Variants in MAB21L4 observed in about 807,000 individuals in gnomAD.
The protein encoded by MAB21L4 is mab-21 like 4.
A neutral mutation model predicts 32.4 loss-of-function variants in MAB21L4; 25 were observed. The observed-to-expected ratio is 0.77, with a 90% CI of 0.56 to 1.08. MAB21L4 has a LOEUF of 1.08. MAB21L4 is among the 50% of genes least tolerant of loss of function. The pLI is 0.00. For missense variants in MAB21L4, 638 were observed against 611.0 expected, an observed-to-expected ratio of 1.04 and a Z score of -0.47; for synonymous variants, 280 against 276.8, an observed-to-expected ratio of 1.01 and a Z score of -0.11.
intron 1 of MAB21L4, among the ~76,000 whole-genome samples, chr2:240,893,951 C>T (rs1293657740): frequency 6.6e-6 from 1 of 152,042 alleles, no homozygotes; most frequent in Non-Finnish European, 1.5e-5. Context: ...GGGCTGGGGG[C>T]AGGGTGAGGG....
At chr2:240,892,024 T>G in intron 1 of MAB21L4, 1 of 1,490,748 alleles carries the variant, frequency 6.7e-7, no homozygotes, top group Non-Finnish European at 8.9e-7. Context: ...CTCAGCGACT[T>G]GCAGCACCAG....
At position 240,886,368 on chromosome 2, in the gene MAB21L4, T is replaced by C. The variant is rs2059094706; in HGVS notation, c.*702A>G. 6.6e-6 allele frequency: 1 copy of C among 152,178 alleles called. No homozygotes were observed. Among genetic ancestry groups the C allele is most frequent in the African/African-American group, 2.4e-5 (1 of 41,422 alleles). The allele number at this position is 152,178 out of a possible 1,614,324, so 9.4% of individuals were successfully genotyped here. On this transcript the variant is annotated 3_prime_UTR_variant, in exon 5 of 5. Transcript: ENST00000388934. ...CCTGAGACTTGGGTGGGGACACAGA[T>C]CCAATTCTACCTGAGATTTGGGTGG...
intron 4 of MAB21L4, 85 bp downstream of exon 4, chr2:240,888,207 A>G: frequency 1.8e-6 from 2 of 1,117,212 alleles, no homozygotes; most frequent in Non-Finnish European, 2.5e-6. Flanking sequence ...GACCTGGGAG[A>G]GAATGGGCAG....
chr2:240,895,555 A>T lies in MAB21L4; in HGVS notation c.443T>A (p.Val148Asp). The change falls in exon 1 of 5, where the codon GTC becomes GAC. Residue 148 changes from valine (V) to aspartate (D), a missense_variant. Val to Asp is a radical substitution (Grantham distance 152, BLOSUM62 -3). Transcript: ENST00000388934. ...KCRGHIVPSK[V>D]LCVLKDLLVA... is the part of the protein sequence containing the mutation. The stretch of plus-strand genomic sequence containing the variant: ...CAGCAGGTCCTTGAGGACACACAGG[A>T]CCTTGCTGGGCACAATGTGTCCACG... The T allele has an allele frequency of 6.2e-7, 1 of 1,610,696 alleles. No homozygotes were observed. The highest frequency in any genetic ancestry group is 8.5e-7 in the Non-Finnish European group (1 of 1,178,978).
intron 1 of MAB21L4, chr2:240,892,051 C>T: frequency 3.4e-6 from 5 of 1,463,122 alleles, no homozygotes; most frequent in Non-Finnish European, 4.5e-6. Context: ...CAGCAGCGTC[C>T]TACATGAGGT....
rs560881127 is a variant in MAB21L4, at chr2:240,892,171, C to T, written c.515-408G>A. 5.6e-5 allele frequency: 44 copies of T among 791,450 alleles called. No homozygotes were observed. The East Asian group carries it at 1.3e-3, about 23-fold the overall frequency. The allele number at this position is 791,450 out of a possible 1,614,324, so 49.0% of individuals were successfully genotyped here. ...CTGCCCCAGCCCTGGGGCCAAAGTCCCAGCCCTCAGCTAGCCCCCTACCTC... is the reference window on the plus strand; with the variant it reads ...CTGCCCCAGCCCTGGGGCCAAAGTCTCAGCCCTCAGCTAGCCCCCTACCTC... On this transcript the variant is annotated intron_variant, in intron 1 of 4. Coordinates refer to ENST00000388934, the MANE Select transcript of MAB21L4 (RefSeq NM_001085437.3).
chr2:240,889,879 C>A (rs752593244), intron 3 of MAB21L4, 126 bp downstream of exon 3: 187 of 1,156,356 alleles, frequency 1.6e-4, no homozygotes, highest in Non-Finnish European at 2.0e-4. Context: ...CCTCAGAATC[C>A]CCCCAACTCC....
At chr2:240,891,477 G>A in intron 2 of MAB21L4, 61 bp downstream of exon 2, 1 of 1,447,418 alleles carries the variant, frequency 6.9e-7, no homozygotes, top group Non-Finnish European at 9.3e-7. Flanking sequence ...GGGGAGCATG[G>A]GGGCAGTGGC....
chr2:240,893,638 T>C (rs1041467548), intron 1 of MAB21L4, among the ~76,000 whole-genome samples: 11 of 151,886 alleles, frequency 7.2e-5, no homozygotes, highest in South Asian at 2.1e-4. Flanking sequence ...TTAAGGTGAG[T>C]GTCAGGAAAC....
chr2:240,892,464 A>T (rs2059158608), intron 1 of MAB21L4, among the ~76,000 whole-genome samples: 2 of 151,986 alleles, frequency 1.3e-5, no homozygotes, highest in Non-Finnish European at 2.9e-5. Flanking sequence ...AGTCTACATG[A>T]TGGGGGCAGC....
chr2:240,886,396 A>G lies in MAB21L4; in HGVS notation c.*674T>C, dbSNP rs1225608193. 1.3e-5 allele frequency: 2 copies of G among 152,148 alleles called. No homozygotes were observed. The highest frequency in any genetic ancestry group is 2.9e-5 in the Non-Finnish European group (2 of 68,072). 9.4% of individuals were successfully genotyped at this position (152,148 alleles called of 1,614,324 possible). A position where few individuals can be genotyped will look rare whatever the true frequency, so the allele number is the denominator to read the frequency against. ...AATTCTACCTGAGATTTGGGTGGGG[A>G]TACAGATACAATCCATATCAGGGGC... On this transcript the variant is annotated 3_prime_UTR_variant, in exon 5 of 5. Transcript: ENST00000388934.
Position 240,888,589 on chromosome 2 carries a change from C to G in MAB21L4, c.954G>C (p.Gln318His). ...FLAPEDWAEL[Q>H]GAVYRLLVVL... ...CCACCAGCAGGCGGTACACGGCGCC[C>G]TGCAGTTCTGCCCAGTCCTCGGGCG... Residue 318 changes from glutamine to histidine, a missense_variant, in exon 4 of 5, where the codon CAG (glutamine) becomes CAC (histidine). Gln to His is a conservative substitution (Grantham distance 24, BLOSUM62 0). Coordinates refer to ENST00000388934, the MANE Select transcript of MAB21L4 (RefSeq NM_001085437.3). The G allele has an allele frequency of 6.2e-7, 1 of 1,606,806 alleles. No individual in the cohort carries two copies. Among genetic ancestry groups the G allele is most frequent in the South Asian group, 1.1e-5 (1 of 90,550 alleles).
intron 1 of MAB21L4, among the ~76,000 whole-genome samples, chr2:240,895,089 C>A (rs2059177148): frequency 6.6e-6 from 1 of 152,220 alleles, no homozygotes; most frequent in Non-Finnish European, 1.5e-5. Flanking sequence ...GGCAAGAGAG[C>A]CGCCTGCCCA....
chr2:240,895,289 A>G (rs10173475), intron 1 of MAB21L4, among the ~76,000 whole-genome samples, 195 bp downstream of exon 1: 82,118 of 152,062 alleles, frequency 0.54, 23,331 homozygotes, highest in African/African-American at 0.73. Context: ...GCCCCAACAC[A>G]CTGTTCACAC....
rs746443176 is a variant in MAB21L4, at chr2:240,887,023, G to A, written c.*47C>T. On this transcript the variant is annotated 3_prime_UTR_variant, in exon 5 of 5. Coordinates refer to ENST00000388934, the MANE Select transcript of MAB21L4 (RefSeq NM_001085437.3). ...GGAGCCTCCCATGGTGCAGTGCAGA[G>A]TCTGTTGGGGAGCCAAGAACAGGTG... 1 of 1,435,830 alleles carries A rather than the reference G, an allele frequency of 7.0e-7. No individual in the cohort carries two copies. Among genetic ancestry groups the A allele is most frequent in the African/African-American group, 1.4e-5 (1 of 71,270 alleles). 88.9% of individuals were successfully genotyped at this position (1,435,830 alleles called of 1,614,324 possible).
Position 240,888,632 on chromosome 2 carries a change from G to A in MAB21L4, c.911C>T (p.Ala304Val), listed in dbSNP as rs1460530802. The change falls in exon 4 of 5, where the codon GCC becomes GTC. Residue 304 changes from alanine (A) to valine (V), a missense_variant. Physicochemically the swap from Ala to Val is moderately conservative, Grantham distance 64. Coordinates refer to ENST00000388934, the MANE Select transcript of MAB21L4 (RefSeq NM_001085437.3). Reference protein sequence around the residue: ...FGHLKMVLLWASVLFLAPEDW... With the variant: ...FGHLKMVLLWVSVLFLAPEDW... ...CTCGGGCGCCAGGAAGAGCACAGAG[G>A]CCCACAGCAGCACCATCTGCAGGAC... 10 of 1,580,464 alleles carry A rather than the reference G, an allele frequency of 6.3e-6. No homozygotes were observed. Among genetic ancestry groups the A allele is most frequent in the Non-Finnish European group, 8.6e-6 (10 of 1,163,252 alleles).
At position 240,896,070 on chromosome 2, in the gene MAB21L4, G is replaced by A; in HGVS notation, c.-73C>T. ...CGCAGGCCAGCTGTGCAGATGGGCT[G>A]TGAGGAGGCACCTGCCCAGGTGAGC... On this transcript the variant is annotated 5_prime_UTR_variant, in exon 1 of 5. Transcript: ENST00000388934. 1 of 1,392,732 alleles carries A rather than the reference G, an allele frequency of 7.2e-7. No individual in the cohort carries two copies. Among genetic ancestry groups the A allele is most frequent in the Non-Finnish European group, 9.3e-7 (1 of 1,080,316 alleles). The allele number at this position is 1,392,732 out of a possible 1,614,324, so 86.3% of individuals were successfully genotyped here.
Position 240,891,575 on chromosome 2 carries a change from C to T in MAB21L4, c.703G>A (p.Gly235Arg), listed in dbSNP as rs1451923292. 1 of 1,611,096 alleles carries T rather than the reference C, an allele frequency of 6.2e-7. No individual in the cohort carries two copies. The change falls in exon 2 of 5, where the codon GGG (glycine) becomes AGG (arginine). Residue 235 changes from glycine (G) to arginine (R), a missense_variant. Gly to Arg is a moderately radical substitution (Grantham distance 125). Transcript: ENST00000388934. ...EGSLRRILSQ[G>R]VDLVPASAQL... ...GCGCTGGCCGGCACCAGGTCCACCC[C>T]TTGGCTGAGGATCCTTCTCAAGCTG...
In MAB21L4 at chr2:240,886,895, C is replaced by G. The variant is rs965714413; in HGVS notation, c.*175G>C. 1.9e-5 allele frequency: 11 copies of G among 568,888 alleles called. No homozygotes were observed. In the Admixed American group the frequency reaches 2.2e-4, roughly 11 times the overall value. 35.2% of individuals were successfully genotyped at this position (568,888 alleles called of 1,614,324 possible). A position where few individuals can be genotyped will look rare whatever the true frequency, so the allele number is the denominator to read the frequency against. On this transcript the variant is annotated 3_prime_UTR_variant, in exon 5 of 5. Coordinates refer to ENST00000388934, the MANE Select transcript of MAB21L4 (RefSeq NM_001085437.3). Reference sequence around the variant, plus strand: ...GAGGAGGTGCTCCAAGAGGCCTGCCCTGCCCCACCAGGCACTGAAAGACTC... The same window carrying G: ...GAGGAGGTGCTCCAAGAGGCCTGCCGTGCCCCACCAGGCACTGAAAGACTC...
Sources: allele counts gnomAD v4.1 joint callset (sites outside exome capture counted in the v4.1 genomes callset), GRCh38; gene constraint gnomAD v4.1.1; transcripts MANE v1.5; gene names NCBI Gene and HGNC (gene_info 2026-07-23, HGNC 2026-07-21).